The following SEM1 variants were observed in gnomAD, a reference collection of about 807,000 sequenced individuals.
The protein encoded by SEM1 is SEM1 26S proteasome subunit.
A neutral mutation model predicts 12.7 loss-of-function variants in SEM1; 3 were observed. That is an observed-to-expected ratio of 0.24 (90% CI 0.11 to 0.61). The LOEUF (loss-of-function observed/expected upper bound fraction) is 0.61. Ranked by LOEUF, SEM1 falls within the 20% of genes least tolerant of loss-of-function variation. SEM1 has a pLI of 0.88. For synonymous variants in SEM1, 30 were observed against 27.8 expected (o/e 1.08, Z -0.25); for missense variants, 59 against 81.3 (o/e 0.73, Z 1.06).
chr7:96,586,072 C>T (rs1563073112), intron 2 of SEM1, among the ~76,000 whole-genome samples: 4 of 152,166 alleles, frequency 2.6e-5, no homozygotes, highest in Admixed American at 6.5e-5. Context: ...CTCCTGGGCT[C>T]AAGTGATCCT....
intron 2 of SEM1, among the ~76,000 whole-genome samples, chr7:96,517,577 T>G (rs1260468418): frequency 1.3e-5 from 2 of 152,152 alleles, no homozygotes; most frequent in African/African-American, 4.8e-5. Flanking sequence ...TGGGGAAACT[T>G]CATATTTCTG....
intron 2 of SEM1, among the ~76,000 whole-genome samples, chr7:96,624,341 T>G (rs1172268506): frequency 6.6e-6 from 1 of 152,204 alleles, no homozygotes; most frequent in East Asian, 1.9e-4. Context: ...AGGATTTTCA[T>G]ACCAAGCCAA....
chr7:96,627,349 A>T (rs568747263), intron 2 of SEM1, among the ~76,000 whole-genome samples: 14 of 150,852 alleles, frequency 9.3e-5, no homozygotes, highest in Non-Finnish European at 1.6e-4. Flanking sequence ...ATTTAATTTA[A>T]TTCATTAGGT....
chr7:96,489,269 C>T (rs193100584), intron 1 of SEM1, among the ~76,000 whole-genome samples: 1 of 152,222 alleles, frequency 6.6e-6, no homozygotes, highest in Admixed American at 6.5e-5. Context: ...CCCTGGATCC[C>T]CTATCAACCA....
intron 1 of SEM1, among the ~76,000 whole-genome samples, chr7:96,701,099 T>G (rs538837041): frequency 5.3e-5 from 8 of 152,234 alleles, no homozygotes; most frequent in South Asian, 4.2e-4. Context: ...AAATAAATAT[T>G]AAACATCATC....
intron 2 of SEM1, among the ~76,000 whole-genome samples, chr7:96,542,290 G>A (rs1804980996): frequency 6.6e-6 from 1 of 151,740 alleles, no homozygotes; most frequent in Non-Finnish European, 1.5e-5. Context: ...GCAGTGTTTT[G>A]TAGTTCTCCT....
chr7:96,613,643 A>AG (rs1807613639), intron 2 of SEM1, among the ~76,000 whole-genome samples: 1 of 152,216 alleles, frequency 6.6e-6, no homozygotes, highest in Non-Finnish European at 1.5e-5. Context: ...CAGAACAGGA[A>AG]GACCTGTCCA....
At chr7:96,546,093 G>A (rs1733302193) in intron 2 of SEM1, among the ~76,000 whole-genome samples, 1 of 152,100 alleles carries the variant, frequency 6.6e-6, no homozygotes, top group Admixed American at 6.6e-5. Flanking sequence ...ATTTCTTGGA[G>A]AGGGGGTTGC....
chr7:96,503,989 T>C (rs1245074790), intron 3 of SEM1, among the ~76,000 whole-genome samples: 1 of 152,172 alleles, frequency 6.6e-6, no homozygotes, highest in Non-Finnish European at 1.5e-5. Flanking sequence ...CCCATGGGTA[T>C]AAATCCTTTC....
chr7:96,690,709 A>G (rs1789904881), intron 2 of SEM1, among the ~76,000 whole-genome samples: 1 of 152,202 alleles, frequency 6.6e-6, no homozygotes, highest in Non-Finnish European at 1.5e-5. Context: ...CTTACTATCC[A>G]AGAAACTACT....
At chr7:96,637,401 A>G (rs1808461703) in intron 2 of SEM1, 1 of 151,982 alleles carries the variant, frequency 6.6e-6, no homozygotes, top group South Asian at 2.1e-4. Flanking sequence ...CATAACCCAA[A>G]GCCAATACAA....
intron 2 of SEM1, among the ~76,000 whole-genome samples, chr7:96,681,443 C>CAG (rs1293083376): frequency 6.6e-6 from 1 of 152,084 alleles, no homozygotes; most frequent in Non-Finnish European, 1.5e-5. Context: ...CTTAATTTAT[C>CAG]AGTTAAGCTG....
chr7:96,597,232 T>G (rs1313111973), intron 2 of SEM1, among the ~76,000 whole-genome samples: 1 of 152,212 alleles, frequency 6.6e-6, no homozygotes, highest in African/African-American at 2.4e-5. Context: ...CTTGAACTAT[T>G]AGGAGTATAC....
At chr7:96,659,890 A>G (rs1395777460) in intron 2 of SEM1, among the ~76,000 whole-genome samples, 1 of 150,500 alleles carries the variant, frequency 6.6e-6, no homozygotes, top group Non-Finnish European at 1.5e-5. Context: ...TGTGAATCAA[A>G]TAGAAGAAAG....
chr7:96,524,131 T>C (rs1804371124), intron 2 of SEM1, among the ~76,000 whole-genome samples: 1 of 152,140 alleles, frequency 6.6e-6, no homozygotes, highest in Non-Finnish European at 1.5e-5. Flanking sequence ...ACTGCCTCGC[T>C]TTTGTGAGGG....
chr7:96,629,830 T>G (rs1808191306), intron 2 of SEM1, among the ~76,000 whole-genome samples: 1 of 152,218 alleles, frequency 6.6e-6, no homozygotes, highest in Non-Finnish European at 1.5e-5. Context: ...ATCTAAGCTG[T>G]ATGTGCTTTA....
At chr7:96,684,265 A>C (rs1028314740), downstream of SEM1, among the ~76,000 whole-genome samples, 8 of 152,086 alleles carry the variant, frequency 5.3e-5, no homozygotes, top group Admixed American at 6.6e-5. Context: ...TCTCTGCCAG[A>C]TGCTTCTAGC....
intron 2 of SEM1, among the ~76,000 whole-genome samples, chr7:96,626,404 C>T (rs964210332): frequency 6.6e-6 from 1 of 152,074 alleles, no homozygotes; most frequent in African/African-American, 2.4e-5. Flanking sequence ...GTAAGTACTA[C>T]ATTTTCTTTA....
At chr7:96,645,048 T>C (rs539501106) in intron 2 of SEM1, among the ~76,000 whole-genome samples, 87 of 152,284 alleles carry the variant, frequency 5.7e-4, no homozygotes, top group Non-Finnish European at 1.1e-3. Context: ...TTATTAAGCC[T>C]TTCTGGTACA....
Sources: allele counts gnomAD v4.1 joint callset (sites outside exome capture counted in the v4.1 genomes callset), GRCh38; gene constraint gnomAD v4.1.1; transcripts MANE v1.5; gene names NCBI Gene and HGNC (gene_info 2026-07-23, HGNC 2026-07-21).